Variants in SMCO1 observed in about 807,000 individuals in gnomAD.
The protein encoded by SMCO1 is single-pass membrane protein with coiled-coil domains 1.
A neutral mutation model predicts 7.5 loss-of-function variants in SMCO1; 9 were observed. The observed-to-expected ratio is 1.20, with a 90% CI of 0.72 to 2.09. The LOEUF (loss-of-function observed/expected upper bound fraction) is 2.09, where lower values mean the gene tolerates loss of function less well. Among genes scored for constraint, SMCO1 ranks in the 30% most tolerant of loss-of-function variants. SMCO1 has a pLI of 0.00. For missense variants in SMCO1, 219 were observed against 253.1 expected, an observed-to-expected ratio of 0.87 and a Z score of 0.91; for synonymous variants, 90 against 93.8, an observed-to-expected ratio of 0.96 and a Z score of 0.23.
At chr3:196,520,182 G>A (rs757809578), upstream of SMCO1, among the ~76,000 whole-genome samples, 39 of 152,270 alleles carry the variant, frequency 2.6e-4, no homozygotes, top group African/African-American at 7.7e-4. Context: ...AGACAAACCC[G>A]CTGGAGGGAG....
At chr3:196,520,924 A>G in the SMCO1 span, among the ~76,000 whole-genome samples, 5 of 152,260 alleles carry the variant, frequency 3.3e-5, no homozygotes, top group Admixed American at 2.6e-4. Context: ...ATTGTTAATC[A>G]TTAGCTCTTA....
At chr3:196,518,436 T>C (rs150209297), upstream of SMCO1, among the ~76,000 whole-genome samples, 8 of 152,232 alleles carry the variant, frequency 5.3e-5, no homozygotes, top group Non-Finnish European at 1.0e-4. Context: ...CAAAGGACCC[T>C]GGATGTTTCC....
At chr3:196,509,036 G>C (rs1733138006) in intron 2 of SMCO1, among the ~76,000 whole-genome samples, 1 of 150,674 alleles carries the variant, frequency 6.6e-6, no homozygotes, top group Non-Finnish European at 1.5e-5. Flanking sequence ...GGCATATAAA[G>C]AGATGCTCAA....
At chr3:196,517,104 CAAAAAAAAAAAAAAAAA>C (rs56104987), upstream of SMCO1, among the ~76,000 whole-genome samples, 1 of 35,738 alleles carries the variant, frequency 2.8e-5, no homozygotes, top group African/African-American at 1.6e-4. Context: ...GACTCCATCG[CAAAAAAAAAAAAAAAAA>C]AAAAAAAAAA....
rs1560281658 is a variant in SMCO1, at chr3:196,507,486, CTT to C, written c.*399_*400del. 1 of 152,226 alleles carries C rather than the reference CTT, an allele frequency of 6.6e-6. No homozygotes were observed. Among genetic ancestry groups the C allele is most frequent in the Non-Finnish European group, 1.5e-5 (1 of 68,102 alleles). The allele number at this position is 152,226 out of a possible 1,614,324, so 9.4% of individuals were successfully genotyped here. ...TAACAGTGAAAAGACTTCCTCTTGT[CTT>C]TGACCCCTAGCCTCTTAGCTTTCTT... On this transcript the variant is annotated 3_prime_UTR_variant, in exon 3 of 3. Coordinates refer to ENST00000397537, the MANE Select transcript of SMCO1 (RefSeq NM_001077657.3).
Position 196,508,127 on chromosome 3 carries a change from G to T in SMCO1, c.405C>A (p.Asp135Glu). The T allele has an allele frequency of 6.2e-7, 1 of 1,614,014 alleles. No homozygotes were observed. Among genetic ancestry groups the T allele is most frequent in the Non-Finnish European group, 8.5e-7 (1 of 1,179,900 alleles). The change falls in exon 3 of 3, where the codon GAC becomes GAA. Residue 135 changes from aspartate (D) to glutamate (E), a missense_variant. Transcript: ENST00000397537. ...ILEECGLQEG[D>E]ITALCTFFIA... ...TAAAGAAGGTACAAAGTGCTGTGAT[G>T]TCTCCTTCTTGCAGCCCACACTCCT... is the stretch of plus-strand genomic sequence containing the variant.
At chr3:196,508,719 C>T (rs1208447444) in intron 2 of SMCO1, among the ~76,000 whole-genome samples, 1 of 150,800 alleles carries the variant, frequency 6.6e-6, no homozygotes, top group Admixed American at 6.6e-5. Context: ...GTTGGATCAC[C>T]TGAGGTCAGG....
intron 2 of SMCO1, among the ~76,000 whole-genome samples, chr3:196,508,951 AAAG>A (rs1450878202): frequency 0.036 from 5,125 of 142,234 alleles, 477 homozygotes; most frequent in African/African-American, 0.15. Context: ...AAAAAAAAAA[AAAG>A]AAAAAAAAAT....
At chr3:196,517,084 GAC>G (rs1049346997), upstream of SMCO1, among the ~76,000 whole-genome samples, 2 of 108,406 alleles carry the variant, frequency 1.8e-5, 1 homozygote, top group South Asian at 6.6e-4. Context: ...CAGCCTGGGT[GAC>G]ACAGCGAGAC....
intron 1 of SMCO1, among the ~76,000 whole-genome samples, chr3:196,513,043 T>C (rs1323172259): frequency 2.6e-5 from 4 of 152,166 alleles, no homozygotes; most frequent in Non-Finnish European, 5.9e-5. Flanking sequence ...AACCATGTGA[T>C]TTGAGCTAGG....
At chr3:196,513,853 G>C (rs1315830519) in intron 1 of SMCO1, among the ~76,000 whole-genome samples, 1 of 152,172 alleles carries the variant, frequency 6.6e-6, no homozygotes, top group Non-Finnish European at 1.5e-5. Context: ...GCAAATCTCA[G>C]CGCAGGCTGT....
At chr3:196,517,680 A>C (rs73075047), upstream of SMCO1, among the ~76,000 whole-genome samples, 2,930 of 150,248 alleles carry the variant, frequency 0.02, 90 homozygotes, top group African/African-American at 0.066. Flanking sequence ...TATTTATTTT[A>C]TTTTCTTGAG....
intron 1 of SMCO1, among the ~76,000 whole-genome samples, chr3:196,512,509 CTTTTTTTT>C (rs36023059): frequency 8.8e-6 from 1 of 114,044 alleles, no homozygotes; most frequent in Non-Finnish European, 1.7e-5. Context: ...TATTTCCTTT[CTTTTTTTT>C]TTTTTTTTTT....
At chr3:196,515,416 C>T (rs1733361262), upstream of SMCO1, 5 of 559,080 alleles carry the variant, frequency 8.9e-6, no homozygotes, top group Admixed American at 3.1e-5. Context: ...GAACTTATCT[C>T]GTGGACACAG....
At chr3:196,509,497 C>T (rs1250555682) in intron 2 of SMCO1, 23 bp downstream of exon 2, 2 of 1,588,778 alleles carry the variant, frequency 1.3e-6, no homozygotes, top group Non-Finnish European at 8.6e-7. Context: ...CAGAATCCCA[C>T]TGATTTCTCA....
upstream of SMCO1, among the ~76,000 whole-genome samples, chr3:196,515,778 A>G (rs150923850): frequency 2.3e-3 from 342 of 151,460 alleles, 3 homozygotes; most frequent in African/African-American, 8.0e-3. Flanking sequence ...AGGTGGGAGG[A>G]TTGCTTGAGC....
upstream of SMCO1, among the ~76,000 whole-genome samples, chr3:196,519,935 C>A (rs185086167): frequency 1.7e-3 from 252 of 152,116 alleles, 1 homozygote; most frequent in Admixed American, 4.2e-3. Flanking sequence ...GGAAAACAGT[C>A]GGGGGGGACG....
chr3:196,515,886 C>T (rs926661322), upstream of SMCO1, among the ~76,000 whole-genome samples: 2 of 149,416 alleles, frequency 1.3e-5, no homozygotes, highest in Non-Finnish European at 3.0e-5. Context: ...GTAGTCCCAG[C>T]TACTCAAGAG....
At chr3:196,514,766 G>A (rs1733337510) in intron 1 of SMCO1, among the ~76,000 whole-genome samples, 3 of 152,038 alleles carry the variant, frequency 2.0e-5, no homozygotes. Flanking sequence ...TTTTTTGGAC[G>A]GAGTCTTGCT....
Sources: allele counts gnomAD v4.1 joint callset (sites outside exome capture counted in the v4.1 genomes callset), GRCh38; gene constraint gnomAD v4.1.1; transcripts MANE v1.5; gene names NCBI Gene and HGNC (gene_info 2026-07-23, HGNC 2026-07-21).